Variants in UBASH3B observed in about 807,000 individuals in gnomAD.
UBASH3B encodes the protein ubiquitin associated and SH3 domain containing B.
UBASH3B carries 37 observed loss-of-function variants against 83.4 expected under a neutral mutation model. That is an observed-to-expected ratio of 0.44 (90% CI 0.34 to 0.58). UBASH3B has a LOEUF of 0.58. Among genes scored for constraint, UBASH3B ranks in the 20% least tolerant of loss-of-function variants. The probability of loss-of-function intolerance (pLI) is 0.01; values close to 1 mark genes in which losing one functional copy is unlikely to be tolerated. For synonymous variants in UBASH3B, 304 were observed against 318.3 expected, an observed-to-expected ratio of 0.96 and a Z score of 0.48; for missense variants, 657 against 827.2, an observed-to-expected ratio of 0.79 and a Z score of 2.52.
At position 122,809,996 on chromosome 11, in the gene UBASH3B, T is replaced by A. The variant is rs1861412005; in HGVS notation, c.*110T>A. The A allele has an allele frequency of 7.5e-7, 1 of 1,337,166 alleles. No homozygotes were observed. The highest frequency in any genetic ancestry group is 1.0e-6 in the Non-Finnish European group (1 of 979,548). 82.8% of individuals were successfully genotyped at this position (1,337,166 alleles called of 1,614,324 possible). On this transcript the variant is annotated 3_prime_UTR_variant, in exon 14 of 14. Coordinates refer to ENST00000284273, the MANE Select transcript of UBASH3B (RefSeq NM_032873.5). ...TCTAAGTGGACAGCTCAGAATAATT[T>A]AGCATATTTCCTTTCACACTTAAAG...
intron 1 of UBASH3B, among the ~76,000 whole-genome samples, chr11:122,753,770 C>T (rs1861239734): frequency 6.6e-6 from 1 of 152,078 alleles, no homozygotes; most frequent in African/African-American, 2.4e-5. Context: ...GCTGGGATTA[C>T]AGGCGTGAGC....
At chr11:122,785,912 A>G (rs1860940478) in intron 5 of UBASH3B, among the ~76,000 whole-genome samples, 1 of 152,238 alleles carries the variant, frequency 6.6e-6, no homozygotes. Flanking sequence ...AAAGGGCTCC[A>G]AAGGCAGTTC....
chr11:122,656,025 C>T lies in UBASH3B; in HGVS notation c.-25C>T, dbSNP rs757101586. ...CGAACCATCCGGCTCGGGCTCCTTC[C>T]CTGGCGATGGCTGGCCGCTGAGCCA... On this transcript the variant is annotated 5_prime_UTR_variant, in exon 1 of 14. Transcript: ENST00000284273. 1 of 1,553,724 alleles carries T rather than the reference C, an allele frequency of 6.4e-7. No homozygotes were observed. Among genetic ancestry groups the T allele is most frequent in the East Asian group, 2.5e-5 (1 of 39,454 alleles).
intron 6 of UBASH3B, among the ~76,000 whole-genome samples, chr11:122,794,437 C>T (rs1315968910): frequency 1.3e-5 from 2 of 152,172 alleles, no homozygotes; most frequent in Admixed American, 6.5e-5. Context: ...AAACTCCTGA[C>T]CTCAGGTGAT....
At chr11:122,798,342 C>G (rs1365551119) in intron 9 of UBASH3B, among the ~76,000 whole-genome samples, 1 of 152,006 alleles carries the variant, frequency 6.6e-6, no homozygotes, top group Admixed American at 6.6e-5. Flanking sequence ...AACTTGAAGC[C>G]AAAGTATTGT....
intron 1 of UBASH3B, among the ~76,000 whole-genome samples, chr11:122,677,988 G>C (rs776500362): frequency 1.3e-5 from 2 of 152,146 alleles, no homozygotes; most frequent in Non-Finnish European, 2.9e-5. Flanking sequence ...ATGGGATTTT[G>C]CCATGTTGGC....
chr11:122,690,138 T>G (rs1189790196), intron 1 of UBASH3B, among the ~76,000 whole-genome samples: 1 of 137,798 alleles, frequency 7.3e-6, no homozygotes, highest in Non-Finnish European at 1.5e-5. Flanking sequence ...AGATTCTGTT[T>G]CCTGAGGCCT....
At chr11:122,797,112 C>T in intron 9 of UBASH3B, 79 bp downstream of exon 9, 2 of 1,496,408 alleles carry the variant, frequency 1.3e-6, no homozygotes, top group East Asian at 2.3e-5. Context: ...ATATGCAAGA[C>T]ACTTCCTGTG....
intron 1 of UBASH3B, among the ~76,000 whole-genome samples, chr11:122,768,204 G>A (rs1000087768): frequency 6.6e-6 from 1 of 152,084 alleles, no homozygotes; most frequent in African/African-American, 2.4e-5. Context: ...AAAGTACAGG[G>A]AACAGAGAAG....
At chr11:122,760,454 G>C (rs764922049) in intron 1 of UBASH3B, among the ~76,000 whole-genome samples, 3 of 151,856 alleles carry the variant, frequency 2.0e-5, no homozygotes, top group African/African-American at 7.3e-5. Flanking sequence ...TCCGCCTCCC[G>C]GGTTCAAGCA....
intron 1 of UBASH3B, among the ~76,000 whole-genome samples, chr11:122,661,072 AT>A (rs1395644581): frequency 6.6e-6 from 1 of 152,164 alleles, no homozygotes; most frequent in Non-Finnish European, 1.5e-5. Context: ...GCAAGATGTG[AT>A]TGGGGCATTA....
At chr11:122,671,164 C>T (rs183176082) in intron 1 of UBASH3B, among the ~76,000 whole-genome samples, 5 of 152,322 alleles carry the variant, frequency 3.3e-5, no homozygotes, top group East Asian at 3.9e-4. Context: ...CTCCTCAGTG[C>T]GCAGTGGGAG....
At position 122,776,038 on chromosome 11, in the gene UBASH3B, C is replaced by G; in HGVS notation, c.162-181C>G. 9.7e-6 allele frequency: 5 copies of G among 514,748 alleles called. No homozygotes were observed. The East Asian group carries it at 1.7e-4, about 18-fold the overall frequency. The allele number at this position is 514,748 out of a possible 1,614,324, so 31.9% of individuals were successfully genotyped here. A position where few individuals can be genotyped will look rare whatever the true frequency, so the allele number is the denominator to read the frequency against. Reference sequence around the variant, plus strand: ...ATCACATGGAAATTAATTACAAGTCCTAACTTCCATATGTCTTGATATGAC... The same window carrying G: ...ATCACATGGAAATTAATTACAAGTCGTAACTTCCATATGTCTTGATATGAC... On this transcript the variant is annotated intron_variant, in intron 1 of 13. Coordinates refer to ENST00000284273, the MANE Select transcript of UBASH3B (RefSeq NM_032873.5).
At chr11:122,799,903 C>G (rs1315071429) in intron 10 of UBASH3B, among the ~76,000 whole-genome samples, 1 of 152,146 alleles carries the variant, frequency 6.6e-6, no homozygotes, top group African/African-American at 2.4e-5. Context: ...AATGAATGAG[C>G]CAGAAATAAA....
At position 122,779,366 on chromosome 11, in the gene UBASH3B, A is replaced by G. The variant is rs1860805905; in HGVS notation, c.403-131A>G. On this transcript the variant is annotated intron_variant, in intron 3 of 13. Coordinates refer to ENST00000284273, the MANE Select transcript of UBASH3B (RefSeq NM_032873.5). ...GTCTGCAGTTCCTCTCTCCCCACAG[A>G]CAGGGGTAGTGGTTAAGTAATTGCA... is the stretch of plus-strand genomic sequence containing the variant. 6 of 917,128 alleles carry G rather than the reference A, an allele frequency of 6.5e-6. No individual in the cohort carries two copies. In the South Asian group the frequency reaches 9.0e-5, roughly 14 times the overall value. 56.8% of individuals were successfully genotyped at this position (917,128 alleles called of 1,614,324 possible).
At chr11:122,792,652 G>A (rs1018906874) in intron 6 of UBASH3B, among the ~76,000 whole-genome samples, 8 of 152,182 alleles carry the variant, frequency 5.3e-5, no homozygotes, top group Non-Finnish European at 8.8e-5. Flanking sequence ...TGATGTTTGG[G>A]AGGGTCTTAG....
At chr11:122,749,801 C>T (rs1427036155) in intron 1 of UBASH3B, among the ~76,000 whole-genome samples, 1 of 152,202 alleles carries the variant, frequency 6.6e-6, no homozygotes, top group Non-Finnish European at 1.5e-5. Flanking sequence ...GGCGCTTTCT[C>T]GGCTCACTGC....
At chr11:122,763,038 G>C (rs943916461) in intron 1 of UBASH3B, among the ~76,000 whole-genome samples, 1 of 152,184 alleles carries the variant, frequency 6.6e-6, no homozygotes, top group African/African-American at 2.4e-5. Context: ...CCATTTAAGA[G>C]ATTGGGAAAG....
At chr11:122,745,405 A>C (rs79665919) in intron 1 of UBASH3B, among the ~76,000 whole-genome samples, 1,785 of 152,314 alleles carry the variant, frequency 0.012, 41 homozygotes, top group African/African-American at 0.038. Context: ...AGATCATAAC[A>C]AAGTCTCTGA....
Sources: gnomAD v4.1 joint callset for allele counts (sites outside exome capture counted in the v4.1 genomes callset) on GRCh38, gnomAD v4.1.1 for gene constraint, MANE v1.5 for transcripts, NCBI Gene and HGNC (gene_info 2026-07-23, HGNC 2026-07-21) for gene names.